The following LRRIQ3 variants were observed in gnomAD, a reference collection of about 807,000 sequenced individuals.
LRRIQ3 encodes the protein leucine rich repeats and IQ motif containing 3.
Under a neutral mutation model 59.3 loss-of-function variants are expected in LRRIQ3, and 75 were observed. That is an observed-to-expected ratio of 1.26 (90% CI 1.05 to 1.53). The LOEUF (loss-of-function observed/expected upper bound fraction) is 1.53, where lower values mean the gene tolerates loss of function less well. Among genes scored for constraint, LRRIQ3 ranks in the 40% most tolerant of loss-of-function variants. The pLI, the probability that LRRIQ3 is intolerant of heterozygous loss-of-function variation, is 0.00. For missense variants in LRRIQ3, 831 were observed against 710.0 expected (o/e 1.17, Z -1.94); for synonymous variants, 250 against 231.3 (o/e 1.08, Z -0.73).
chr1:74,096,553 A>C (rs1283344027), intron 5 of LRRIQ3, among the ~76,000 whole-genome samples: 3 of 152,090 alleles, frequency 2.0e-5, no homozygotes, highest in African/African-American at 7.2e-5. Flanking sequence ...CAACTCGTTA[A>C]AGTCATTCTC....
At chr1:74,179,911 T>G (rs552997569) in intron 3 of LRRIQ3, 29 of 152,120 alleles carry the variant, frequency 1.9e-4, no homozygotes, top group Non-Finnish European at 3.2e-4. Flanking sequence ...AGTCTCTTTC[T>G]CTTTCTAATC....
At chr1:74,173,850 CTCTTT>C (rs1405403312) in intron 3 of LRRIQ3, among the ~76,000 whole-genome samples, 1 of 152,008 alleles carries the variant, frequency 6.6e-6, no homozygotes, top group Non-Finnish European at 1.5e-5. Context: ...GTCTTTATCT[CTCTTT>C]TATTTTTTGA....
chr1:74,197,424 T>C (rs1163054383), intron 1 of LRRIQ3, among the ~76,000 whole-genome samples: 1 of 152,166 alleles, frequency 6.6e-6, no homozygotes, highest in African/African-American at 2.4e-5. Flanking sequence ...TGTGTAAAGA[T>C]GAAGTGGTCT....
chr1:74,132,533 C>T (rs1310966299), intron 4 of LRRIQ3, among the ~76,000 whole-genome samples: 2 of 152,054 alleles, frequency 1.3e-5, no homozygotes, highest in African/African-American at 2.4e-5. Context: ...ACCAATGGAA[C>T]AGAACAGAGC....
chr1:74,065,968 C>T (rs977207815), intron 6 of LRRIQ3, among the ~76,000 whole-genome samples: 1 of 152,050 alleles, frequency 6.6e-6, no homozygotes, highest in African/African-American at 2.4e-5. Context: ...GAGTGAATCA[C>T]CCGAGGTGAG....
chr1:74,039,741 G>A (rs2100383504), intron 7 of LRRIQ3, among the ~76,000 whole-genome samples: 1 of 152,296 alleles, frequency 6.6e-6, no homozygotes, highest in South Asian at 2.1e-4. Context: ...AATGCTGAGG[G>A]ATTTCATCAC....
rs958243293 is a variant in LRRIQ3 at position 74,133,152 on chromosome 1, A to C, written c.707+22581T>G. 2.0e-3 allele frequency among the ~76,000 whole-genome samples: 297 copies of C among 152,144 alleles called. 1 individual carries two copies. The highest frequency in any genetic ancestry group is 6.5e-3 in the African/African-American group (270 of 41,542). ...GCCATCAGAGAAATGCAAATCAAAA[A>C]CACAATGAGATACCACCTCACACCA... On this transcript the variant is annotated intron_variant, in intron 4 of 7. Transcript: ENST00000354431.
At chr1:74,063,852 T>A (rs1654797397) in intron 6 of LRRIQ3, among the ~76,000 whole-genome samples, 1 of 152,000 alleles carries the variant, frequency 6.6e-6, no homozygotes, top group African/African-American at 2.4e-5. Flanking sequence ...CAATCTGTCT[T>A]TTGATTGGAT....
intron 3 of LRRIQ3, chr1:74,180,636 A>G: frequency 7.4e-7 from 1 of 1,344,604 alleles, no homozygotes; most frequent in Non-Finnish European, 1.0e-6. Context: ...CTCAGTGTGA[A>G]AAGTACACTC....
Position 74,155,736 on chromosome 1 carries a change from A to T in LRRIQ3, c.704T>A (p.Leu235Ter). Residue 235 changes from leucine (L) to a stop codon, truncating the protein, a stop_gained, in exon 4 of 8, where the codon TTG (leucine) becomes TAG (stop). Transcript: ENST00000354431. LOFTEE classifies it high-confidence loss of function. ...TGGTAAAGAAAACAAAACATACCTC[A>T]AATTTTTTCTAACTAAGAAACCACG... ...WIRGFLVRKN[L>*]SPVFFHKKKQ... 2 of 1,569,928 alleles carry T rather than the reference A, an allele frequency of 1.3e-6. No individual in the cohort carries two copies. The highest frequency in any genetic ancestry group is 1.4e-5 in the African/African-American group (1 of 72,132).
chr1:74,132,809 G>A (rs895185542), intron 4 of LRRIQ3, among the ~76,000 whole-genome samples: 4 of 152,098 alleles, frequency 2.6e-5, no homozygotes, highest in African/African-American at 9.7e-5. Flanking sequence ...CATGGGCAAG[G>A]ACTTCATGTC....
At chr1:74,165,560 T>G (rs1399752535) in intron 3 of LRRIQ3, among the ~76,000 whole-genome samples, 1 of 151,560 alleles carries the variant, frequency 6.6e-6, no homozygotes, top group Admixed American at 6.6e-5. Flanking sequence ...CTTTTCCAAT[T>G]TCTTTTCCTT....
chr1:74,045,073 A>T (rs1039297417), intron 6 of LRRIQ3, among the ~76,000 whole-genome samples: 8 of 152,114 alleles, frequency 5.3e-5, no homozygotes, highest in African/African-American at 1.9e-4. Context: ...ACTATTTCAA[A>T]CAAGAGAAAA....
intron 6 of LRRIQ3, among the ~76,000 whole-genome samples, chr1:74,054,404 T>A (rs4649995): frequency 6.6e-6 from 1 of 151,940 alleles, no homozygotes; most frequent in Non-Finnish European, 1.5e-5. Flanking sequence ...ATAAGGAGTG[T>A]AGAAAGGATT....
chr1:74,102,797 C>G (rs956350652), intron 5 of LRRIQ3, among the ~76,000 whole-genome samples: 1 of 151,892 alleles, frequency 6.6e-6, no homozygotes, highest in Non-Finnish European at 1.5e-5. Flanking sequence ...AGCTTTTTAC[C>G]TCAGATTATG....
At chr1:74,040,704 T>C (rs1208260198) in intron 7 of LRRIQ3, among the ~76,000 whole-genome samples, 1 of 152,154 alleles carries the variant, frequency 6.6e-6, no homozygotes, top group African/African-American at 2.4e-5. Flanking sequence ...GAGTAACTAA[T>C]GAAATTAAGG....
intron 6 of LRRIQ3, among the ~76,000 whole-genome samples, chr1:74,052,210 G>A (rs76785170): frequency 0.015 from 2,348 of 152,172 alleles, 47 homozygotes; most frequent in African/African-American, 0.054. Context: ...TTACTAGTCC[G>A]ATGTCCACTG....
chr1:74,130,654 G>A (rs536962317), intron 4 of LRRIQ3, among the ~76,000 whole-genome samples: 88 of 152,148 alleles, frequency 5.8e-4, no homozygotes, highest in Non-Finnish European at 1.1e-3. Flanking sequence ...TCTGCAAGGA[G>A]GATGATCAGT....
At chr1:74,126,128 AT>A (rs1646932712) in intron 4 of LRRIQ3, among the ~76,000 whole-genome samples, 1 of 151,684 alleles carries the variant, frequency 6.6e-6, no homozygotes, top group Admixed American at 6.6e-5. Flanking sequence ...AGGTTTTCCA[AT>A]TTATTTGCAT....
Sources: allele counts gnomAD v4.1 joint callset (sites outside exome capture counted in the v4.1 genomes callset), GRCh38; gene constraint gnomAD v4.1.1; transcripts MANE v1.5; gene names NCBI Gene and HGNC (gene_info 2026-07-23, HGNC 2026-07-21).